The following BABAM2 variants were observed in gnomAD, a reference collection of about 807,000 sequenced individuals.
The protein encoded by BABAM2 is BRISC and BRCA1 A complex member 2.
BABAM2 carries 31 observed loss-of-function variants against 54.7 expected under a neutral mutation model. The ratio of observed to expected loss-of-function variants is 0.57; its 90% CI spans 0.43 to 0.77. The LOEUF is 0.77. Among genes scored for constraint, BABAM2 ranks in the 30% least tolerant of loss-of-function variants. The pLI is 0.00. For synonymous variants in BABAM2, 167 were observed against 162.9 expected, an observed-to-expected ratio of 1.03 and a Z score of -0.19; for missense variants, 364 against 455.8, an observed-to-expected ratio of 0.80 and a Z score of 1.83.
intron 6 of BABAM2, among the ~76,000 whole-genome samples, chr2:28,127,645 T>A (rs934288954): frequency 2.0e-5 from 3 of 152,026 alleles, no homozygotes; most frequent in Non-Finnish European, 2.9e-5. Flanking sequence ...ATCCATCTTA[T>A]ACACACAAGA....
intron 7 of BABAM2, among the ~76,000 whole-genome samples, chr2:28,233,503 G>A (rs1451192446): frequency 1.3e-5 from 2 of 152,148 alleles, no homozygotes; most frequent in Non-Finnish European, 2.9e-5. Flanking sequence ...AGTTTATTCA[G>A]CATGATCAGG....
intron 10 of BABAM2, among the ~76,000 whole-genome samples, chr2:28,262,286 C>T (rs1684607014): frequency 6.6e-6 from 1 of 152,132 alleles, no homozygotes; most frequent in Non-Finnish European, 1.5e-5. Context: ...ACAAATGTGA[C>T]TTTATCCTAA....
intron 7 of BABAM2, among the ~76,000 whole-genome samples, chr2:28,204,920 T>C (rs1013619291): frequency 6.6e-6 from 1 of 152,040 alleles, no homozygotes; most frequent in African/African-American, 2.4e-5. Flanking sequence ...GTCAGTGATA[T>C]ACGAGCAGAG....
At chr2:28,146,917 G>C (rs527275517) in intron 7 of BABAM2, among the ~76,000 whole-genome samples, 1 of 152,350 alleles carries the variant, frequency 6.6e-6, no homozygotes, top group East Asian at 1.9e-4. Flanking sequence ...AACTAAGGAA[G>C]TTTTCTGAAT....
At chr2:28,232,202 G>A (rs1302786664) in intron 7 of BABAM2, among the ~76,000 whole-genome samples, 3 of 152,072 alleles carry the variant, frequency 2.0e-5, no homozygotes, top group South Asian at 2.1e-4. Context: ...TTATGATTGC[G>A]AATCACTAGC....
chr2:28,007,434 G>A (rs974669566), intron 4 of BABAM2, among the ~76,000 whole-genome samples: 1 of 152,056 alleles, frequency 6.6e-6, no homozygotes, highest in Admixed American at 6.6e-5. Flanking sequence ...TTACCAAGAG[G>A]AAATTGGCTC....
At chr2:27,905,852 G>A (rs1573131747) in intron 2 of BABAM2, among the ~76,000 whole-genome samples, 1 of 152,294 alleles carries the variant, frequency 6.6e-6, no homozygotes, top group South Asian at 2.1e-4. Context: ...TACGGAGGTA[G>A]GAGAAAAATC....
chr2:28,026,887 G>T (rs559406307), intron 5 of BABAM2, among the ~76,000 whole-genome samples: 2,330 of 59,896 alleles, frequency 0.039, 118 homozygotes, highest in African/African-American at 0.08. Context: ...TATATATATA[G>T]ATATATATAA....
chr2:28,271,796 T>C (rs763339249), intron 10 of BABAM2, among the ~76,000 whole-genome samples: 36 of 152,192 alleles, frequency 2.4e-4, no homozygotes, highest in Non-Finnish European at 3.1e-4. Context: ...AGTTCTCAAG[T>C]TTCAGTTTCA....
At chr2:27,889,790 A>G (rs1664672436), upstream of BABAM2, among the ~76,000 whole-genome samples, 4 of 152,304 alleles carry the variant, frequency 2.6e-5, no homozygotes, top group South Asian at 8.3e-4. Flanking sequence ...ATTTTATACA[A>G]TAAGCTCAGA....
chr2:28,316,591 C>G (rs1210557615), intron 11 of BABAM2, among the ~76,000 whole-genome samples: 1 of 152,148 alleles, frequency 6.6e-6, no homozygotes, highest in African/African-American at 2.4e-5. Context: ...AGAACATTCC[C>G]ACAGTCAATT....
chr2:28,117,332 A>G (rs1447529021), intron 6 of BABAM2, among the ~76,000 whole-genome samples: 4 of 152,240 alleles, frequency 2.6e-5, no homozygotes, highest in African/African-American at 9.6e-5. Context: ...AATTCTGTAG[A>G]GTTTGATTTA....
upstream of BABAM2, chr2:27,890,506 T>TC (rs781359981): frequency 1.0e-4 from 62 of 612,992 alleles, 2 homozygotes; most frequent in Admixed American, 4.4e-4. This position sits in a 1 kb window ranked among gnomAD's most constrained non-coding sequence, Gnocchi z 4.8. Flanking sequence ...CCACCAAGTG[T>TC]CCCCTCTTCT....
chr2:28,283,866 A>C (rs1686584100), intron 10 of BABAM2, among the ~76,000 whole-genome samples: 2 of 152,232 alleles, frequency 1.3e-5, no homozygotes, highest in African/African-American at 4.8e-5. Flanking sequence ...AGAGATTTTT[A>C]TCAAAAACAA....
chr2:28,296,845 G>A (rs549753339), intron 10 of BABAM2, among the ~76,000 whole-genome samples: 57 of 152,154 alleles, frequency 3.7e-4, no homozygotes, highest in African/African-American at 1.1e-3. Context: ...TTGCCACCAC[G>A]CCTTGCTAAT....
chr2:28,180,296 T>C (rs2147879618), intron 7 of BABAM2, among the ~76,000 whole-genome samples: 1 of 151,848 alleles, frequency 6.6e-6, no homozygotes, highest in South Asian at 2.1e-4. Flanking sequence ...ATATAAAGAA[T>C]CTAGAAATAA....
intron 5 of BABAM2, among the ~76,000 whole-genome samples, chr2:28,025,924 C>T (rs916840724): frequency 1.2e-4 from 19 of 152,306 alleles, no homozygotes; most frequent in African/African-American, 4.1e-4. Context: ...CACTTCTCTT[C>T]CCAGAACCTT....
chr2:28,269,370 C>T (rs1338497562), intron 10 of BABAM2, among the ~76,000 whole-genome samples: 1 of 152,208 alleles, frequency 6.6e-6, no homozygotes, highest in East Asian at 1.9e-4. Context: ...AATGAGTCAG[C>T]ATGTGGATAC....
intron 7 of BABAM2, among the ~76,000 whole-genome samples, chr2:28,173,537 A>C (rs1325995005): frequency 6.6e-6 from 1 of 152,254 alleles, no homozygotes; most frequent in Non-Finnish European, 1.5e-5. Context: ...AAGCAACTGC[A>C]GTGACCCAGC....
Sources: gnomAD v4.1 joint callset for allele counts (sites outside exome capture counted in the v4.1 genomes callset) on GRCh38, gnomAD v4.1.1 for gene constraint, Gnocchi (gnomAD v3.1) non-coding constraint, MANE v1.5 for transcripts, NCBI Gene and HGNC (gene_info 2026-07-23, HGNC 2026-07-21) for gene names.